The following MAPK10 variants were observed in gnomAD, a reference collection of about 807,000 sequenced individuals.
MAPK10 encodes the protein mitogen-activated protein kinase 10.
A neutral mutation model predicts 59.3 loss-of-function variants in MAPK10; 25 were observed. The observed-to-expected ratio is 0.42, with a 90% CI of 0.31 to 0.59. The LOEUF is 0.59. MAPK10 is among the 20% of genes least tolerant of loss of function. MAPK10 has a pLI of 0.15. For missense variants in MAPK10, 351 were observed against 568.9 expected, an observed-to-expected ratio of 0.62 and a Z score of 3.90; for synonymous variants, 190 against 200.5, an observed-to-expected ratio of 0.95 and a Z score of 0.44.
rs1744819019 is a variant in MAPK10 at position 86,409,324 on chromosome 4, C to T, written c.-122+43706G>A. The stretch of plus-strand genomic sequence containing the variant: ...GTAACCCTGAATTATAGTTTGAAGT[C>T]AGGTAGTATGATGCCTCCAGCTTTG... On this transcript the variant is annotated intron_variant, in intron 1 of 13. Transcript: ENST00000361569. Among the ~76,000 whole-genome samples, 2 of 152,162 alleles carry T rather than the reference C, an allele frequency of 1.3e-5. 1 individual carries two copies. The highest frequency in any genetic ancestry group is 1.3e-4 in the Admixed American group (2 of 15,282).
At chr4:86,403,090 A>C (rs2149018801) in intron 1 of MAPK10, among the ~76,000 whole-genome samples, 1 of 152,222 alleles carries the variant, frequency 6.6e-6, no homozygotes, top group African/African-American at 2.4e-5. Flanking sequence ...AAAGGAACTA[A>C]ATCAATTTTG....
intron 3 of MAPK10, 128 bp downstream of exon 3, chr4:86,194,208 C>T (rs2080721110): frequency 1.4e-6 from 1 of 740,638 alleles, no homozygotes; most frequent in Non-Finnish European, 2.3e-6. Flanking sequence ...CTTGCCAGCT[C>T]CTAATTCTAA....
chr4:86,306,506 A>T (rs75421778), intron 2 of MAPK10, among the ~76,000 whole-genome samples: 330 of 152,326 alleles, frequency 2.2e-3, no homozygotes, highest in African/African-American at 7.7e-3. Flanking sequence ...TTCACTCAAA[A>T]CTACTTTGAA....
intron 1 of MAPK10, among the ~76,000 whole-genome samples, chr4:86,515,367 G>T (rs957390407): frequency 1.3e-5 from 2 of 152,138 alleles, no homozygotes; most frequent in African/African-American, 4.8e-5. Context: ...GAGATTGCTG[G>T]ATCAAATTGT....
intron 1 of MAPK10, among the ~76,000 whole-genome samples, chr4:86,540,596 C>T (rs1408866614): frequency 3.3e-5 from 5 of 151,988 alleles, no homozygotes; most frequent in Admixed American, 1.3e-4. Context: ...ATCTAGAAGA[C>T]GAGAGCACAG....
intron 2 of MAPK10, among the ~76,000 whole-genome samples, chr4:86,220,884 G>A (rs892066679): frequency 2.0e-5 from 3 of 152,070 alleles, no homozygotes; most frequent in African/African-American, 7.3e-5. Context: ...AGGAGATTCA[G>A]TTATGTCTCA....
chr4:86,031,721 A>C, intron 11 of MAPK10: 1 of 289,470 alleles, frequency 3.5e-6, no homozygotes. Flanking sequence ...ACGCCTAAGC[A>C]ATTAATGACT....
intron 1 of MAPK10, among the ~76,000 whole-genome samples, chr4:86,415,200 T>C (rs1745713611): frequency 6.6e-6 from 1 of 150,990 alleles, no homozygotes; most frequent in Non-Finnish European, 1.5e-5. Flanking sequence ...TGTATACTCA[T>C]CATGTGGTGT....
At chr4:86,418,847 G>C (rs1229072891) in intron 1 of MAPK10, among the ~76,000 whole-genome samples, 1 of 152,160 alleles carries the variant, frequency 6.6e-6, no homozygotes. Flanking sequence ...GCCATAAAAA[G>C]GAATAAAATA....
chr4:86,456,641 AC>A (rs1211776389), upstream of MAPK10, among the ~76,000 whole-genome samples: 3 of 152,084 alleles, frequency 2.0e-5, no homozygotes, highest in East Asian at 5.8e-4. Flanking sequence ...CCAATAACAA[AC>A]AGCAATATTG....
chr4:86,137,740 C>A (rs200752322), intron 4 of MAPK10, among the ~76,000 whole-genome samples: 22,772 of 130,908 alleles, frequency 0.17, 2,157 homozygotes, highest in African/African-American at 0.21. Flanking sequence ...ATTAATGAAT[C>A]CAGGAGCTGG....
At chr4:86,552,886 C>A (rs979668096) in intron 1 of MAPK10, among the ~76,000 whole-genome samples, 1 of 152,124 alleles carries the variant, frequency 6.6e-6, no homozygotes, top group South Asian at 2.1e-4. Context: ...ACCCACTGCA[C>A]GTGCAGCTTT....
chr4:86,451,485 C>T (rs889293781), intron 1 of MAPK10, among the ~76,000 whole-genome samples: 3 of 152,152 alleles, frequency 2.0e-5, no homozygotes, highest in Non-Finnish European at 4.4e-5. Flanking sequence ...TGGATACTAA[C>T]TCAAACAAAC....
intron 4 of MAPK10, among the ~76,000 whole-genome samples, chr4:86,123,106 A>G (rs966073288): frequency 2.0e-5 from 3 of 152,184 alleles, no homozygotes; most frequent in South Asian, 2.1e-4. Flanking sequence ...CACACTTTCC[A>G]TAACTTTTTA....
chr4:86,443,541 AC>A (rs1486917185), intron 1 of MAPK10, among the ~76,000 whole-genome samples: 1 of 151,230 alleles, frequency 6.6e-6, no homozygotes, highest in Non-Finnish European at 1.5e-5. Flanking sequence ...AAGTTCACAG[AC>A]CAAGGGCACA....
intron 2 of MAPK10, among the ~76,000 whole-genome samples, chr4:86,204,685 C>G (rs889082436): frequency 2.6e-5 from 4 of 151,924 alleles, no homozygotes; most frequent in African/African-American, 9.7e-5. Context: ...TGCAGAACAG[C>G]TTTTTGTCAT....
chr4:86,256,449 C>T (rs1563667848), intron 2 of MAPK10, among the ~76,000 whole-genome samples: 1 of 152,092 alleles, frequency 6.6e-6, no homozygotes, highest in Non-Finnish European at 1.5e-5. Flanking sequence ...AAATTACCAA[C>T]ATTCTCTTTC....
chr4:86,358,749 C>T (rs1238611769), intron 1 of MAPK10: 1 of 152,108 alleles, frequency 6.6e-6, no homozygotes, highest in Non-Finnish European at 1.5e-5. Context: ...CAGTAAATTA[C>T]ATTTATTTTG....
At chr4:86,086,767 T>C (rs1264105461) in intron 9 of MAPK10, among the ~76,000 whole-genome samples, 1 of 152,172 alleles carries the variant, frequency 6.6e-6, no homozygotes, top group Non-Finnish European at 1.5e-5. Context: ...GTATTTTCAG[T>C]AACTCATTTC....
Sources: allele counts gnomAD v4.1 joint callset (sites outside exome capture counted in the v4.1 genomes callset), GRCh38; gene constraint gnomAD v4.1.1; transcripts MANE v1.5; gene names NCBI Gene and HGNC (gene_info 2026-07-23, HGNC 2026-07-21).